The following TMTC2 variants were observed in gnomAD, a reference collection of about 807,000 sequenced individuals.
TMTC2 encodes protein O-mannosyl-transferase TMTC2.
Under a neutral mutation model 82.4 loss-of-function variants are expected in TMTC2, and 43 were observed. The ratio of observed to expected loss-of-function variants is 0.52; its 90% confidence interval spans 0.41 to 0.67. The LOEUF is 0.67. TMTC2 is among the 30% of genes least tolerant of loss of function. The pLI is 0.00. For synonymous variants in TMTC2, 408 were observed against 381.9 expected, an observed-to-expected ratio of 1.07 and a Z score of -0.80; for missense variants, 919 against 1,012.4, an observed-to-expected ratio of 0.91 and a Z score of 1.25.
At chr12:82,796,903 T>A (rs1878745916) in intron 1 of TMTC2, among the ~76,000 whole-genome samples, 1 of 152,136 alleles carries the variant, frequency 6.6e-6, no homozygotes, top group African/African-American at 2.4e-5. Flanking sequence ...AAGTTCCTAC[T>A]TCATATTTTT....
intron 3 of TMTC2, among the ~76,000 whole-genome samples, chr12:82,926,838 CA>C (rs1875746920): frequency 6.6e-6 from 1 of 152,164 alleles, no homozygotes; most frequent in Admixed American, 6.5e-5. Flanking sequence ...TCCGAGATGA[CA>C]ACACATCTGT....
At chr12:82,921,994 C>T (rs190912524) in intron 3 of TMTC2, among the ~76,000 whole-genome samples, 3 of 151,022 alleles carry the variant, frequency 2.0e-5, no homozygotes, top group Admixed American at 2.0e-4. Context: ...GTAGTCTCAG[C>T]TACTCGGGAG....
At position 82,735,969 on chromosome 12, in the gene TMTC2, T is replaced by TCACACA. The variant is rs148485109; in HGVS notation, c.83+48329_83+48334dup. Among the ~76,000 whole-genome samples the TCACACA allele has an allele frequency of 8.7e-4, 127 of 145,960 alleles. 1 individual carries two copies. Among genetic ancestry groups the TCACACA allele is most frequent in the African/African-American group, 3.0e-3 (118 of 39,234 alleles). On this transcript the variant is annotated intron_variant, in intron 1 of 11. Transcript: ENST00000321196. ...GCCCAGGTGACAGTGCGAGACTCCG[T>TCACACA]CACACACACACACACACACACACAC...
chr12:83,112,443 T>C (rs772893645), intron 11 of TMTC2, among the ~76,000 whole-genome samples: 1 of 152,202 alleles, frequency 6.6e-6, no homozygotes, highest in Non-Finnish European at 1.5e-5. Context: ...GTTAACAAAG[T>C]TTTTTAAACT....
rs141264451 is a variant in TMTC2 at position 82,919,161 on chromosome 12, G to A, written c.1484-11270G>A. 2.3e-4 allele frequency among the ~76,000 whole-genome samples: 35 copies of A among 152,316 alleles called. 1 individual carries two copies. Among genetic ancestry groups the A allele is most frequent in the African/African-American group, 7.9e-4 (33 of 41,556 alleles). On this transcript the variant is annotated intron_variant, in intron 3 of 11. Transcript: ENST00000321196. ...GCTGGCATCTGGCAAGGGTTGAACT[G>A]TAACAGAAGGCAAAAGAGAAAGAGA...
intron 1 of TMTC2, among the ~76,000 whole-genome samples, chr12:82,697,596 A>G (rs1300646435): frequency 6.6e-6 from 1 of 152,182 alleles, no homozygotes; most frequent in African/African-American, 2.4e-5. Flanking sequence ...CGGCATCTTT[A>G]AGTTGATCCT....
intron 1 of TMTC2, among the ~76,000 whole-genome samples, chr12:82,828,381 G>A (rs559543199): frequency 6.6e-6 from 1 of 152,016 alleles, no homozygotes; most frequent in South Asian, 2.1e-4. Context: ...TCCCGGCTAT[G>A]TAGAGATGGG....
At chr12:82,937,320 T>G (rs1428504025) in intron 4 of TMTC2, among the ~76,000 whole-genome samples, 1 of 152,220 alleles carries the variant, frequency 6.6e-6, no homozygotes, top group Non-Finnish European at 1.5e-5. Flanking sequence ...TTAGCATTTC[T>G]TGGCTTGCAG....
intron 8 of TMTC2, among the ~76,000 whole-genome samples, chr12:82,997,804 G>T (rs1879733316): frequency 6.6e-6 from 1 of 151,608 alleles, no homozygotes; most frequent in African/African-American, 2.4e-5. Flanking sequence ...AGCCAAATTA[G>T]TGTGAGGAAA....
intron 9 of TMTC2, among the ~76,000 whole-genome samples, chr12:83,033,801 T>C (rs200032344): frequency 6.6e-5 from 9 of 135,554 alleles, no homozygotes; most frequent in African/African-American, 8.9e-5. Flanking sequence ...TATATATATA[T>C]ACACATATAT....
rs1445125173 is a variant in TMTC2 at position 82,818,478 on chromosome 12, G to C, written c.84-38532G>C. ...TCCATGCACTTGACCACATGCCCTA[G>C]ACCATGATTCAATAGAAAGGTTAAT... On this transcript the variant is annotated intron_variant, in intron 1 of 11. Coordinates refer to ENST00000321196, the MANE Select transcript of TMTC2 (RefSeq NM_152588.3). 2.0e-5 allele frequency among the ~76,000 whole-genome samples: 3 copies of C among 152,090 alleles called. No homozygotes were observed. In the East Asian group the frequency reaches 5.8e-4, roughly 29 times the overall value.
chr12:82,898,927 C>T (rs968569084), intron 3 of TMTC2, among the ~76,000 whole-genome samples: 5 of 152,160 alleles, frequency 3.3e-5, no homozygotes, highest in Non-Finnish European at 5.9e-5. Context: ...TAAGTGAAAA[C>T]GTTTTGTAAC....
intron 1 of TMTC2, among the ~76,000 whole-genome samples, chr12:82,729,534 T>C (rs1467934826): frequency 6.6e-6 from 1 of 152,200 alleles, no homozygotes; most frequent in Non-Finnish European, 1.5e-5. Context: ...AACTTTTGTG[T>C]GGACACTGTG....
intron 7 of TMTC2, among the ~76,000 whole-genome samples, chr12:82,982,331 C>T (rs942171224): frequency 6.6e-6 from 1 of 151,790 alleles, no homozygotes; most frequent in African/African-American, 2.4e-5. Flanking sequence ...ATGTAAAGCT[C>T]TTAACCTTGC....
At chr12:82,842,325 CTTG>C (rs1162166458) in intron 1 of TMTC2, among the ~76,000 whole-genome samples, 2 of 152,096 alleles carry the variant, frequency 1.3e-5, no homozygotes, top group Non-Finnish European at 2.9e-5. Flanking sequence ...GCATTAGTGC[CTTG>C]TTGTTGTATT....
chr12:82,918,238 AT>A (rs1412504489), intron 3 of TMTC2, among the ~76,000 whole-genome samples: 1 of 152,198 alleles, frequency 6.6e-6, no homozygotes, highest in Non-Finnish European at 1.5e-5. Context: ...AATAAAAACA[AT>A]TCTTAGTAGA....
intron 8 of TMTC2, among the ~76,000 whole-genome samples, chr12:82,995,771 G>A (rs140271177): frequency 6.6e-6 from 1 of 152,266 alleles, no homozygotes. Flanking sequence ...CCTGTTTTCT[G>A]AAAGCAGTAC....
chr12:82,783,365 C>T lies in TMTC2; in HGVS notation c.84-73645C>T, dbSNP rs186994655. On this transcript the variant is annotated intron_variant, in intron 1 of 11. Transcript: ENST00000321196. ...GGTGGCAGACAGCGTGCTTCTAAGC[C>T]TTCCTGAAGATCCTCCCTTGCCTCT... 9.3e-5 allele frequency among the ~76,000 whole-genome samples: 14 copies of T among 151,160 alleles called. No homozygotes were observed. The East Asian group carries it at 1.9e-3, about 21-fold the overall frequency.
At chr12:82,890,943 C>T (rs1873365261) in intron 2 of TMTC2, among the ~76,000 whole-genome samples, 2 of 152,210 alleles carry the variant, frequency 1.3e-5, no homozygotes, top group East Asian at 3.8e-4. Context: ...ATATCCCACA[C>T]TTTGAAGTCT....
Sources: allele counts gnomAD v4.1 joint callset (sites outside exome capture counted in the v4.1 genomes callset), GRCh38; gene constraint gnomAD v4.1.1; transcripts MANE v1.5; gene names NCBI Gene and HGNC (gene_info 2026-07-23, HGNC 2026-07-21).